UGT2B4: variants seen among roughly 807,000 people sequenced by gnomAD.
UGT2B4 encodes the protein UDP-glucuronosyltransferase 2B4.
A neutral mutation model predicts 49.8 loss-of-function variants in UGT2B4; 49 were observed. The observed-to-expected ratio is 0.98, with a 90% CI of 0.78 to 1.25. The LOEUF (loss-of-function observed/expected upper bound fraction) is 1.25. UGT2B4 is among the 50% of genes most tolerant of loss of function. The pLI, the probability that UGT2B4 is intolerant of heterozygous loss-of-function variation, is 0.00. For missense variants in UGT2B4, 729 were observed against 627.7 expected (o/e 1.16, Z -1.73); for synonymous variants, 246 against 217.7 (o/e 1.13, Z -1.14).
upstream of UGT2B4, among the ~76,000 whole-genome samples, chr4:69,500,625 G>T (rs1485707944): frequency 7.7e-6 from 1 of 130,414 alleles, no homozygotes; most frequent in East Asian, 2.1e-4. Context: ...AAGAAAGAAA[G>T]AAAGAAAGAA....
upstream of UGT2B4, among the ~76,000 whole-genome samples, chr4:69,499,808 T>G (rs1728254833): frequency 6.6e-6 from 1 of 151,764 alleles, no homozygotes; most frequent in Non-Finnish European, 1.5e-5. Flanking sequence ...GTCCTGACTC[T>G]TTATCCAGCT....
intron 3 of UGT2B4, 94 bp downstream of exon 3, chr4:69,489,345 A>G: frequency 6.6e-7 from 1 of 1,521,744 alleles, no homozygotes; most frequent in Non-Finnish European, 8.9e-7. Context: ...CAACAGCTGA[A>G]TATATAGGCA....
rs200244497 is a variant in UGT2B4 at position 69,486,644 on chromosome 4, C to T, written c.1055G>A (p.Arg352Gln). ...NKPDTLGLNT[R>Q]LYKWIPQNDL... ...ATTCTGGGGTATCCACTTGTACAGC[C>T]GAGTATTGAGTCCTAAAGTATCTGG... is the stretch of plus-strand genomic sequence containing the variant. The change falls in exon 4 of 6, where the codon CGG (arginine) becomes CAG (glutamine). Residue 352 changes from arginine (R) to glutamine (Q), a missense_variant. Physicochemically the swap from Arg to Gln is conservative, Grantham distance 43. Coordinates refer to ENST00000305107, the MANE Select transcript of UGT2B4 (RefSeq NM_021139.3). 46 of 1,608,594 alleles carry T rather than the reference C, an allele frequency of 2.9e-5. No individual in the cohort carries two copies. In the African/African-American group the frequency reaches 3.8e-4, roughly 13 times the overall value.
chr4:69,486,675 T>G lies in UGT2B4; in HGVS notation c.1024A>C (p.Asn342His), dbSNP rs1461956060. ...PQKVLWRFDG[N>H]KPDTLGLNTR... ...TTGAGTCCTAAAGTATCTGGTTTAT[T>G]CCCATCAAATCTCCACAGAACCTGT... The change falls in exon 4 of 6, where the codon AAT becomes CAT. Residue 342 changes from asparagine (N) to histidine (H), a missense_variant. Transcript: ENST00000305107. The G allele has an allele frequency of 6.2e-7, 1 of 1,607,776 alleles. No individual in the cohort carries two copies. The highest frequency in any genetic ancestry group is 1.1e-5 in the South Asian group (1 of 89,734).
chr4:69,509,973 G>A (rs2331750), intron 1 of UGT2B4, among the ~76,000 whole-genome samples: 89,350 of 151,946 alleles, frequency 0.59, 26,985 homozygotes, highest in East Asian at 0.75. Context: ...CTTCTGGGAA[G>A]TCTATAGTTT....
rs549665616 is a variant in UGT2B4 at position 69,503,880 on chromosome 4, C to T, written c.-105-7914G>A. Among the ~76,000 whole-genome samples, 6 of 152,268 alleles carry T rather than the reference C, an allele frequency of 3.9e-5. No individual in the cohort carries two copies. The South Asian group carries it at 1.2e-3, about 32-fold the overall frequency. ...ACCTGGGCCACCGCAGCTCAGAAGA[C>T]TCAAAACCTTGAGGAGCCAGAGAAC... On this transcript the variant is annotated intron_variant, in intron 1 of 1. Coordinates refer to the UGT2B4 transcript ENST00000510114.
intron 3 of UGT2B4, among the ~76,000 whole-genome samples, chr4:69,487,870 T>C (rs1727840588): frequency 6.6e-6 from 1 of 152,176 alleles, no homozygotes; most frequent in Non-Finnish European, 1.5e-5. Flanking sequence ...TATATGCTTT[T>C]TTAATGTATT....
intron 1 of UGT2B4, among the ~76,000 whole-genome samples, chr4:69,514,314 C>T (rs535814163): frequency 3.3e-5 from 5 of 152,134 alleles, no homozygotes; most frequent in African/African-American, 1.2e-4. Flanking sequence ...GTTCAATTCC[C>T]ACCTATGAGT....
intron 1 of UGT2B4, among the ~76,000 whole-genome samples, chr4:69,503,747 C>G (rs1274866278): frequency 6.6e-6 from 1 of 152,210 alleles, no homozygotes; most frequent in African/African-American, 2.4e-5. Context: ...CAGTCTCCAG[C>G]AGGGGCCTTC....
chr4:69,480,660 T>C lies in UGT2B4; in HGVS notation c.1561A>G (p.Thr521Ala). The change falls in exon 6 of 6, where the codon ACA becomes GCA. Residue 521 changes from threonine to alanine, a missense_variant. Physicochemically the swap from Thr to Ala is moderately conservative, Grantham distance 58. Coordinates refer to ENST00000305107, the MANE Select transcript of UGT2B4 (RefSeq NM_021139.3). The stretch of plus-strand genomic sequence containing the variant: ...TAATCTCTTTTCCCCTTCTTTCCTG[T>C]TCTAACAAACTTCCAGACACAAAAC... ...CLFCVWKFVR[T>A]GKKGKRD The C allele has an allele frequency of 2.5e-6, 4 of 1,614,120 alleles. No individual in the cohort carries two copies. Among genetic ancestry groups the C allele is most frequent in the Middle Eastern group, 1.7e-4 (1 of 6,060 alleles).
chr4:69,500,621 GAAAGAAAGA>G (rs1415706218), upstream of UGT2B4, among the ~76,000 whole-genome samples: 181 of 124,242 alleles, frequency 1.5e-3, 2 homozygotes, highest in African/African-American at 4.6e-3. Flanking sequence ...AAGAAAGAAA[GAAAGAAAGA>G]AAGAAAGAAA....
At chr4:69,502,264 T>C (rs1323017871) in intron 1 of UGT2B4, among the ~76,000 whole-genome samples, 2 of 151,770 alleles carry the variant, frequency 1.3e-5, no homozygotes, top group African/African-American at 4.8e-5. Context: ...ATGTCCAGGA[T>C]GTGAAGGTTT....
At chr4:69,519,359 AATGTGAGAAACTG>A (rs1005918394) in intron 1 of UGT2B4, among the ~76,000 whole-genome samples, 3 of 152,208 alleles carry the variant, frequency 2.0e-5, no homozygotes, top group Non-Finnish European at 4.4e-5. Flanking sequence ...GATTATAGTA[AATGTGAGAAACTG>A]ATGGGACTTG....
intron 1 of UGT2B4, among the ~76,000 whole-genome samples, chr4:69,517,179 A>G (rs1728752906): frequency 6.6e-6 from 1 of 152,142 alleles, no homozygotes; most frequent in Non-Finnish European, 1.5e-5. Context: ...TTGCTCCTCT[A>G]GAACCAAAGT....
At chr4:69,518,517 C>T (rs186482587) in intron 1 of UGT2B4, 8 of 152,190 alleles carry the variant, frequency 5.3e-5, no homozygotes, top group Admixed American at 4.6e-4. Context: ...AGATTACTAG[C>T]TTTTTGTAAG....
intron 1 of UGT2B4, among the ~76,000 whole-genome samples, chr4:69,508,041 AACAG>A (rs773754795): frequency 6.6e-6 from 1 of 152,224 alleles, no homozygotes; most frequent in Non-Finnish European, 1.5e-5. Context: ...AAAGGATATA[AACAG>A]ACACTTTTCA....
chr4:69,512,548 T>C (rs530705421), intron 1 of UGT2B4, among the ~76,000 whole-genome samples: 45 of 152,180 alleles, frequency 3.0e-4, no homozygotes, highest in Non-Finnish European at 5.7e-4. Flanking sequence ...ACATTTGCTT[T>C]GTGACTTAAC....
At chr4:69,521,428 G>C (rs1358704758) in intron 1 of UGT2B4, among the ~76,000 whole-genome samples, 1 of 152,146 alleles carries the variant, frequency 6.6e-6, no homozygotes. Flanking sequence ...ATCCAGATGT[G>C]GGTGACTGCA....
At chr4:69,481,488 A>G (rs572408149) in intron 5 of UGT2B4, among the ~76,000 whole-genome samples, 1 of 152,340 alleles carries the variant, frequency 6.6e-6, no homozygotes, top group Admixed American at 6.5e-5. Context: ...TAATTATTTG[A>G]GGCAGAGAAC....
Sources: allele counts gnomAD v4.1 joint callset (sites outside exome capture counted in the v4.1 genomes callset), GRCh38; gene constraint gnomAD v4.1.1; transcripts MANE v1.5; gene names NCBI Gene and HGNC (gene_info 2026-07-23, HGNC 2026-07-21).